Variants in OR1J2 observed in about 807,000 individuals in gnomAD.
The protein encoded by OR1J2 is olfactory receptor family 1 subfamily J member 2.
For missense variants in OR1J2, 304 were observed against 246.1 expected (o/e 1.24, Z -1.57); for synonymous variants, 142 against 99.7 (o/e 1.42, Z -2.52).
At chr9:122,570,387 T>G in the OR1J2 span, among the ~76,000 whole-genome samples, 1 of 152,260 alleles carries the variant, frequency 6.6e-6, no homozygotes, top group Non-Finnish European at 1.5e-5. Context: ...ACATTGTGAA[T>G]GGGCCTTAAT....
At chr9:122,495,357 C>A in the OR1J2 span, among the ~76,000 whole-genome samples, 1 of 152,104 alleles carries the variant, frequency 6.6e-6, no homozygotes, top group Admixed American at 6.6e-5. Context: ...TAGTCCCAGA[C>A]TTCTTAGAGG....
the OR1J2 span, among the ~76,000 whole-genome samples, chr9:122,564,207 T>A: frequency 6.6e-6 from 1 of 152,196 alleles, no homozygotes; most frequent in Admixed American, 6.5e-5. Flanking sequence ...ATGTGATTAA[T>A]GAAATTTTAG....
chr9:122,554,182 T>C, the OR1J2 span: 1 of 1,568,440 alleles, frequency 6.4e-7, no homozygotes, highest in South Asian at 1.2e-5. Context: ...TAGACGGTGA[T>C]GTCTAATCTT....
chr9:122,462,644 TG>T, the OR1J2 span, among the ~76,000 whole-genome samples: 1 of 152,226 alleles, frequency 6.6e-6, no homozygotes, highest in East Asian at 1.9e-4. Flanking sequence ...AGCATTTGTT[TG>T]TTTGAAAAAG....
chr9:122,498,338 A>G, the OR1J2 span, among the ~76,000 whole-genome samples: 1 of 152,010 alleles, frequency 6.6e-6, no homozygotes, highest in African/African-American at 2.4e-5. Context: ...TTTAAAAATT[A>G]TTTTTTCTTC....
downstream of OR1J2, among the ~76,000 whole-genome samples, chr9:122,511,947 G>A (rs1380873986): frequency 6.6e-6 from 1 of 152,080 alleles, no homozygotes; most frequent in African/African-American, 2.4e-5. Flanking sequence ...GTCAGTGAAT[G>A]CCAAATTTTG....
the OR1J2 span, among the ~76,000 whole-genome samples, chr9:122,489,677 C>T: frequency 1.3e-5 from 2 of 152,280 alleles, no homozygotes; most frequent in African/African-American, 4.8e-5. Flanking sequence ...GGATGAATGC[C>T]TCAAGGGGCT....
At position 122,511,564 on chromosome 9, in the gene OR1J2, A is replaced by G. The variant is rs571816259; in HGVS notation, c.763A>G (p.Ile255Val). Residue 255 changes from isoleucine (I) to valine (V), a missense_variant, in exon 1 of 1, where the codon ATA becomes GTA. By Grantham distance (29) the Ile-to-Val change is conservative. Coordinates refer to ENST00000335302, the MANE Select transcript of OR1J2 (RefSeq NM_054107.1). ...LSVVSLYYGS[I>V]FGQYLFPTVS... The stretch of plus-strand genomic sequence containing the variant: ...TGTGGTGTCTCTCTATTATGGGTCA[A>G]TATTTGGCCAGTACCTTTTCCCGAC... 1.0e-4 allele frequency: 80 copies of G among 781,006 alleles called. 2 individuals carry two copies. The highest frequency in any genetic ancestry group is 9.5e-4 in the South Asian group (71 of 74,612). The allele number at this position is 781,006 out of a possible 1,614,324, so 48.4% of individuals were successfully genotyped here. A position where few individuals can be genotyped will look rare whatever the true frequency, so the allele number is the denominator to read the frequency against.
At chr9:122,573,646 C>A in the OR1J2 span, among the ~76,000 whole-genome samples, 1 of 152,096 alleles carries the variant, frequency 6.6e-6, no homozygotes. Flanking sequence ...AATTACAGTC[C>A]TTTATCAGAT....
At chr9:122,452,892 G>GTGGC in the OR1J2 span, among the ~76,000 whole-genome samples, 1 of 152,070 alleles carries the variant, frequency 6.6e-6, no homozygotes, top group Non-Finnish European at 1.5e-5. Flanking sequence ...GCTGGGTGTG[G>GTGGC]TGGCGCATGC....
At chr9:122,493,357 A>T in the OR1J2 span, among the ~76,000 whole-genome samples, 1 of 151,998 alleles carries the variant, frequency 6.6e-6, no homozygotes, top group Non-Finnish European at 1.5e-5. Flanking sequence ...TGGCATTTTT[A>T]AAAATTACCA....
upstream of OR1J2, among the ~76,000 whole-genome samples, chr9:122,508,184 G>C (rs1320661082): frequency 9.0e-6 from 1 of 111,000 alleles, no homozygotes; most frequent in African/African-American, 3.3e-5. Context: ...AGGAGAAGGG[G>C]AAGAAGAAGA....
At chr9:122,505,013 TTGCCTAGAA>T in the OR1J2 span, among the ~76,000 whole-genome samples, 1 of 152,134 alleles carries the variant, frequency 6.6e-6, no homozygotes, top group Non-Finnish European at 1.5e-5. Context: ...TCCCTGGGTT[TTGCCTAGAA>T]TGCTGTTGGA....
the OR1J2 span, among the ~76,000 whole-genome samples, chr9:122,562,979 T>A: frequency 6.6e-6 from 1 of 152,160 alleles, no homozygotes; most frequent in Non-Finnish European, 1.5e-5. Context: ...TGTAATAAAC[T>A]TGAGGGTGCA....
chr9:122,452,835 C>G, the OR1J2 span, among the ~76,000 whole-genome samples: 726 of 152,120 alleles, frequency 4.8e-3, 5 homozygotes, highest in African/African-American at 0.017. Flanking sequence ...TCAAGACCAG[C>G]CTGACCAACA....
At chr9:122,534,582 G>A in the OR1J2 span, among the ~76,000 whole-genome samples, 31 of 152,176 alleles carry the variant, frequency 2.0e-4, no homozygotes, top group Non-Finnish European at 2.5e-4. Context: ...CGGACTGGGT[G>A]TGAGGAGGGG....
At chr9:122,572,461 C>T in the OR1J2 span, among the ~76,000 whole-genome samples, 4 of 151,760 alleles carry the variant, frequency 2.6e-5, no homozygotes, top group East Asian at 3.9e-4. Flanking sequence ...ATGCTTATCA[C>T]GGGGAAAAAG....
At chr9:122,495,748 GT>G in the OR1J2 span, among the ~76,000 whole-genome samples, 1 of 151,986 alleles carries the variant, frequency 6.6e-6, no homozygotes, top group African/African-American at 2.4e-5. Context: ...TCTTTTGGGG[GT>G]GTTAAAGAAC....
At chr9:122,518,333 T>G in the OR1J2 span, among the ~76,000 whole-genome samples, 1 of 152,372 alleles carries the variant, frequency 6.6e-6, no homozygotes, top group East Asian at 1.9e-4. Flanking sequence ...TGGGTGACTT[T>G]AAACAGCAGA....
Sources: gnomAD v4.1 joint callset for allele counts (sites outside exome capture counted in the v4.1 genomes callset) on GRCh38, gnomAD v4.1.1 for gene constraint, MANE v1.5 for transcripts, NCBI Gene and HGNC (gene_info 2026-07-23, HGNC 2026-07-21) for gene names.